Variants in SNAP29 observed in about 807,000 individuals in gnomAD.
SNAP29 encodes synaptosomal-associated protein 29.
In SNAP29, 13 loss-of-function variants were observed where a neutral mutation model predicts 27.9. The observed-to-expected ratio is 0.47, with a 90% CI of 0.30 to 0.74. The LOEUF is 0.74. Among genes scored for constraint, SNAP29 ranks in the 30% least tolerant of loss-of-function variants. The pLI is 0.06. For missense variants in SNAP29, 368 were observed against 336.5 expected (o/e 1.09, Z -0.73); for synonymous variants, 119 against 127.1 (o/e 0.94, Z 0.43).
At chr22:20,862,482 G>A (rs1055186233) in intron 1 of SNAP29, among the ~76,000 whole-genome samples, 5 of 152,224 alleles carry the variant, frequency 3.3e-5, no homozygotes, top group African/African-American at 1.2e-4. Flanking sequence ...GGGTGTGTTA[G>A]AGGACAGGGG....
chr22:20,880,995 C>A, intron 2 of SNAP29, 54 bp from the exon 3 acceptor site: 1 of 1,139,628 alleles, frequency 8.8e-7, no homozygotes, highest in South Asian at 1.3e-5. Context: ...ATAACATTGT[C>A]ATAGGGGTTT....
At chr22:20,870,591 T>G in intron 2 of SNAP29, 58 bp downstream of exon 2, 1 of 1,505,232 alleles carries the variant, frequency 6.6e-7, no homozygotes, top group Non-Finnish European at 9.2e-7. Flanking sequence ...TTAGTGCAAA[T>G]GACCAAGACT....
chr22:20,865,213 G>A lies in SNAP29; in HGVS notation c.238-5124G>A, dbSNP rs145753707. ...CTACAAAAAATACAAAAATTACCTGGGCATGGCGGTGCATGCCTGTAGTTC... is the reference window on the plus strand; with the variant it reads ...CTACAAAAAATACAAAAATTACCTGAGCATGGCGGTGCATGCCTGTAGTTC... On this transcript the variant is annotated intron_variant, in intron 1 of 4. Transcript: ENST00000215730. 8.9e-3 allele frequency among the ~76,000 whole-genome samples: 1,360 copies of A among 152,098 alleles called. 20 individuals are homozygous for A. The highest frequency in any genetic ancestry group is 0.031 in the African/African-American group (1,300 of 41,456).
At chr22:20,870,231 G>A (rs1928553943) in intron 1 of SNAP29, 106 bp from the exon 2 acceptor site, 4 of 948,294 alleles carry the variant, frequency 4.2e-6, no homozygotes, top group Admixed American at 1.8e-5. Context: ...CCCGTCTCCA[G>A]ATGTGCCCAC....
At position 20,888,123 on chromosome 22, in the gene SNAP29, A is replaced by G. The variant is rs1328564011; in HGVS notation, c.*287A>G. On this transcript the variant is annotated 3_prime_UTR_variant, in exon 5 of 5. Coordinates refer to ENST00000215730, the MANE Select transcript of SNAP29 (RefSeq NM_004782.4). ...TTGGGCGTTTGATTACCATGCTGGAATAAGAAGAGTTGCATTTCTCATTTT... is the reference window on the plus strand; with the variant it reads ...TTGGGCGTTTGATTACCATGCTGGAGTAAGAAGAGTTGCATTTCTCATTTT... 2 of 420,068 alleles carry G rather than the reference A, an allele frequency of 4.8e-6. No homozygotes were observed. The highest frequency in any genetic ancestry group is 4.3e-5 in the South Asian group (2 of 46,116). The allele number at this position is 420,068 out of a possible 1,614,324, so 26.0% of individuals were successfully genotyped here. A position where few individuals can be genotyped will look rare whatever the true frequency, so the allele number is the denominator to read the frequency against.
chr22:20,890,619 C>T lies in SNAP29; in HGVS notation c.*2783C>T, dbSNP rs142566638. On this transcript the variant is annotated 3_prime_UTR_variant, in exon 5 of 5. Coordinates refer to ENST00000215730, the MANE Select transcript of SNAP29 (RefSeq NM_004782.4). Reference sequence around the variant, plus strand: ...AAAAACACACAAAAAATTAGCTGGGCGTGGTGGTGGGCGCCTGTAGTCCCA... The same window carrying T: ...AAAAACACACAAAAAATTAGCTGGGTGTGGTGGTGGGCGCCTGTAGTCCCA... 0.011 allele frequency: 2,759 copies of T among 240,324 alleles called. 23 individuals are homozygous for T. Among genetic ancestry groups the T allele is most frequent in the Non-Finnish European group, 0.016 (1,975 of 127,356 alleles). 14.9% of individuals were successfully genotyped at this position (240,324 alleles called of 1,614,324 possible).
chr22:20,864,213 C>T (rs1928403561), intron 1 of SNAP29, among the ~76,000 whole-genome samples: 1 of 152,098 alleles, frequency 6.6e-6, no homozygotes, highest in Non-Finnish European at 1.5e-5. Context: ...CAGCAACAAA[C>T]ATTAGACCAG....
chr22:20,890,568 T>C lies in SNAP29; in HGVS notation c.*2732T>C, dbSNP rs1929125871. 3 of 338,414 alleles carry C rather than the reference T, an allele frequency of 8.9e-6. No homozygotes were observed. The highest frequency in any genetic ancestry group is 4.3e-5 in the African/African-American group (2 of 46,904). 21.0% of individuals were successfully genotyped at this position (338,414 alleles called of 1,614,324 possible). A position where few individuals can be genotyped will look rare whatever the true frequency, so the allele number is the denominator to read the frequency against. ...GTCAGGAGATCGAGACCATCCTGGC[T>C]AACACGGTGAAACCCCATCTCTACT... On this transcript the variant is annotated 3_prime_UTR_variant, in exon 5 of 5. Transcript: ENST00000215730.
chr22:20,880,263 C>A (rs570433592), intron 2 of SNAP29, among the ~76,000 whole-genome samples: 19 of 151,990 alleles, frequency 1.3e-4, no homozygotes, highest in African/African-American at 4.6e-4. Context: ...TTTGGGAGGC[C>A]GAGGTGGGTG....
intron 1 of SNAP29, among the ~76,000 whole-genome samples, chr22:20,869,164 G>T (rs1233275045): frequency 6.6e-6 from 1 of 152,240 alleles, no homozygotes; most frequent in Non-Finnish European, 1.5e-5. Context: ...GGAGACTGAG[G>T]CAGGAGAATC....
At chr22:20,868,022 C>T (rs1342276084) in intron 1 of SNAP29, among the ~76,000 whole-genome samples, 1 of 152,172 alleles carries the variant, frequency 6.6e-6, no homozygotes, top group East Asian at 1.9e-4. Context: ...AAAGCTTCTT[C>T]TGCAGCCTGC....
At chr22:20,862,497 A>G (rs1928349239) in intron 1 of SNAP29, among the ~76,000 whole-genome samples, 1 of 152,114 alleles carries the variant, frequency 6.6e-6, no homozygotes, top group African/African-American at 2.4e-5. Context: ...CAGGGGATGG[A>G]GGAGGTAGCT....
At chr22:20,865,597 G>C (rs773027206) in intron 1 of SNAP29, among the ~76,000 whole-genome samples, 2 of 152,218 alleles carry the variant, frequency 1.3e-5, no homozygotes, top group African/African-American at 2.4e-5. Context: ...CTTAGAGTGG[G>C]AAGTGTTGTA....
chr22:20,859,203 C>T lies in SNAP29; in HGVS notation c.93C>T (p.Leu31=), dbSNP rs1928129290. The T allele has an allele frequency of 6.2e-7, 1 of 1,602,054 alleles. No individual in the cohort carries two copies. Among genetic ancestry groups the T allele is most frequent in the Non-Finnish European group, 8.5e-7 (1 of 1,175,610 alleles). The change falls in exon 1 of 5, where the codon CTC becomes CTT. Residue 31 remains leucine, a synonymous_variant. Coordinates refer to ENST00000215730, the MANE Select transcript of SNAP29 (RefSeq NM_004782.4). ...CCCCTTGGAGGGACGCCCGAGACCTCCCCGACGGGCCCGACGCGCCCGCGG... is the reference window on the plus strand; with the variant it reads ...CCCCTTGGAGGGACGCCCGAGACCTTCCCGACGGGCCCGACGCGCCCGCGG... ...RPAPWRDARD[L]PDGPDAPADR...
At chr22:20,867,434 A>G (rs1928487734) in intron 1 of SNAP29, among the ~76,000 whole-genome samples, 1 of 152,080 alleles carries the variant, frequency 6.6e-6, no homozygotes, top group South Asian at 2.1e-4. Flanking sequence ...ACAGACTGTC[A>G]GTGTTCTCTT....
intron 4 of SNAP29, among the ~76,000 whole-genome samples, chr22:20,885,826 C>G (rs945741835): frequency 1.3e-5 from 2 of 152,220 alleles, no homozygotes; most frequent in Non-Finnish European, 2.9e-5. Flanking sequence ...GGCCGGTCCA[C>G]TCTGGTGGGG....
At chr22:20,883,713 C>G in intron 4 of SNAP29, 144 bp downstream of exon 4, 1 of 711,302 alleles carries the variant, frequency 1.4e-6, no homozygotes, top group Non-Finnish European at 2.6e-6. Flanking sequence ...CATCTTGCCA[C>G]CTCACTGTCT....
rs559150341 is a variant in SNAP29, at chr22:20,871,803, A to C, written c.434+1270A>C. 1.5e-3 allele frequency among the ~76,000 whole-genome samples: 232 copies of C among 151,854 alleles called. 2 individuals carry two copies. Among genetic ancestry groups the C allele is most frequent in the African/African-American group, 5.1e-3 (213 of 41,386 alleles). ...AGGCTGAGGCAGGAGAATGGTGTGA[A>C]CCCGGGAGGTGGAGCTTGCAGTGAG... On this transcript the variant is annotated intron_variant, in intron 2 of 4. Transcript: ENST00000215730.
rs150151231 is a variant in SNAP29, at chr22:20,870,379, A to T, written c.280A>T (p.Met94Leu). The T allele has an allele frequency of 4.2e-5, 68 of 1,614,028 alleles. No homozygotes were observed. The highest frequency in any genetic ancestry group is 5.5e-5 in the Non-Finnish European group (65 of 1,180,020). Reference sequence around the variant, plus strand: ...AGGAGTCCTGGAGCGCACAGAGAAGATGGTGGACAAGATGGACCAAGATTT... The same window carrying T: ...AGGAGTCCTGGAGCGCACAGAGAAGTTGGTGGACAAGATGGACCAAGATTT... ...QRGVLERTEK[M>L]VDKMDQDLKI... The change falls in exon 2 of 5, where the codon ATG (methionine) becomes TTG (leucine). Residue 94 changes from methionine (M) to leucine (L), a missense_variant. Physicochemically the swap from Met to Leu is conservative, Grantham distance 15. Transcript: ENST00000215730.
Sources: allele counts gnomAD v4.1 joint callset (sites outside exome capture counted in the v4.1 genomes callset), GRCh38; gene constraint gnomAD v4.1.1; transcripts MANE v1.5; gene names NCBI Gene and HGNC (gene_info 2026-07-23, HGNC 2026-07-21).